Variants in PLXDC2 observed in about 807,000 individuals in gnomAD.
PLXDC2 encodes plexin domain-containing protein 2.
A neutral mutation model predicts 68.9 loss-of-function variants in PLXDC2; 40 were observed. That is an observed-to-expected ratio of 0.58 (90% confidence interval 0.45 to 0.76). The LOEUF is 0.76. PLXDC2 is among the 30% of genes least tolerant of loss of function. The pLI is 0.00. For missense variants in PLXDC2, 644 were observed against 661.9 expected (o/e 0.97, Z 0.30); for synonymous variants, 243 against 234.2 (o/e 1.04, Z -0.34).
At chr10:19,822,055 C>A (rs1185710877) in intron 1 of PLXDC2, among the ~76,000 whole-genome samples, 3 of 151,886 alleles carry the variant, frequency 2.0e-5, no homozygotes, top group African/African-American at 7.2e-5. Context: ...TTACTTAGCA[C>A]AATGTCCCCC....
intron 3 of PLXDC2, among the ~76,000 whole-genome samples, chr10:20,051,762 CA>C (rs1459638000): frequency 6.6e-6 from 1 of 151,738 alleles, no homozygotes; most frequent in East Asian, 1.9e-4. Context: ...TGACAAATTC[CA>C]AGGTGATGCT....
chr10:20,039,469 A>C (rs557033944), intron 2 of PLXDC2, among the ~76,000 whole-genome samples: 2 of 152,310 alleles, frequency 1.3e-5, no homozygotes, highest in South Asian at 4.1e-4. Flanking sequence ...GCTGTTTCGC[A>C]GAGCAATTTT....
rs77219789 is a variant in PLXDC2, at chr10:19,844,105, A to G, written c.112+26914A>G. 9.6e-3 allele frequency among the ~76,000 whole-genome samples: 1,461 copies of G among 152,298 alleles called. 32 individuals carry two copies. Among genetic ancestry groups the G allele is most frequent in the African/African-American group, 0.033 (1,378 of 41,564 alleles). The stretch of plus-strand genomic sequence containing the variant: ...GGAAAAAAATTAAAGAACAGATAAG[A>G]CAGACACACAGGAAAATTGTATCTG... On this transcript the variant is annotated intron_variant, in intron 1 of 13. Coordinates refer to ENST00000377252, the MANE Select transcript of PLXDC2 (RefSeq NM_032812.9).
At chr10:19,865,311 A>AC in intron 1 of PLXDC2, among the ~76,000 whole-genome samples, 1 of 152,304 alleles carries the variant, frequency 6.6e-6, no homozygotes, top group South Asian at 2.1e-4. Context: ...TTTTGCTTTC[A>AC]TATTGAGCTT....
chr10:20,252,151 G>A (rs940599953), intron 13 of PLXDC2, among the ~76,000 whole-genome samples: 1 of 152,088 alleles, frequency 6.6e-6, no homozygotes, highest in Non-Finnish European at 1.5e-5. Context: ...TGTAAATAGT[G>A]GTTATAATTC....
intron 1 of PLXDC2, among the ~76,000 whole-genome samples, chr10:19,915,064 A>G (rs1472717160): frequency 6.6e-6 from 1 of 151,996 alleles, no homozygotes; most frequent in African/African-American, 2.4e-5. Context: ...TTTTAAATTT[A>G]CTCTACCAAT....
At chr10:20,173,421 G>A (rs952360388) in intron 7 of PLXDC2, among the ~76,000 whole-genome samples, 13 of 152,146 alleles carry the variant, frequency 8.5e-5, no homozygotes, top group Non-Finnish European at 1.6e-4. Context: ...GGCTAATCAT[G>A]CCTCAAGGTA....
chr10:19,901,111 A>G (rs1838152461), intron 1 of PLXDC2, among the ~76,000 whole-genome samples: 1 of 151,796 alleles, frequency 6.6e-6, no homozygotes, highest in South Asian at 2.1e-4. Context: ...TATTTTTGCA[A>G]TTGCAAATTG....
intron 3 of PLXDC2, among the ~76,000 whole-genome samples, chr10:20,065,770 A>C (rs1836198398): frequency 6.6e-6 from 1 of 152,188 alleles, no homozygotes; most frequent in Non-Finnish European, 1.5e-5. Context: ...CGCTCCTATG[A>C]GAATCTAATG....
At chr10:20,157,595 G>C (rs1267888619) in intron 6 of PLXDC2, among the ~76,000 whole-genome samples, 1 of 152,182 alleles carries the variant, frequency 6.6e-6, no homozygotes, top group Non-Finnish European at 1.5e-5. Context: ...GCTGGAGAAA[G>C]ATACCACAGA....
chr10:19,944,292 CCTCCAACTT>C (rs2131400557), intron 1 of PLXDC2, among the ~76,000 whole-genome samples: 1 of 151,402 alleles, frequency 6.6e-6, no homozygotes, highest in East Asian at 1.9e-4. Flanking sequence ...CTTTTTTTTC[CCTCCAACTT>C]CTGACATGAA....
chr10:20,068,864 A>G (rs878869739), intron 4 of PLXDC2, among the ~76,000 whole-genome samples: 2 of 152,114 alleles, frequency 1.3e-5, no homozygotes, highest in Admixed American at 1.3e-4. Flanking sequence ...AGTAATTATC[A>G]TTCTTTATTG....
intron 1 of PLXDC2, among the ~76,000 whole-genome samples, chr10:19,925,781 T>C (rs1833529946): frequency 6.6e-6 from 1 of 152,224 alleles, no homozygotes; most frequent in Non-Finnish European, 1.5e-5. Flanking sequence ...CGGGCTTTTA[T>C]CAGCCTCTGT....
intron 1 of PLXDC2, among the ~76,000 whole-genome samples, chr10:19,962,989 C>CAAAA (rs56922353): frequency 3.4e-5 from 3 of 88,244 alleles, no homozygotes; most frequent in East Asian, 3.5e-4. Context: ...GACTACGTCT[C>CAAAA]AAAAAAAAAA....
intron 13 of PLXDC2, among the ~76,000 whole-genome samples, chr10:20,273,237 T>A (rs1835961806): frequency 6.6e-6 from 1 of 152,194 alleles, no homozygotes; most frequent in African/African-American, 2.4e-5. Flanking sequence ...CTGTTTCCCG[T>A]TTTTTATGGC....
At chr10:19,893,398 TCTGTGGA>T (rs1280969712) in intron 1 of PLXDC2, among the ~76,000 whole-genome samples, 1 of 152,230 alleles carries the variant, frequency 6.6e-6, no homozygotes, top group Non-Finnish European at 1.5e-5. Flanking sequence ...AATAAAGTAG[TCTGTGGA>T]CTGCTTAAAT....
At chr10:20,045,275 G>A (rs1344543331) in intron 2 of PLXDC2, among the ~76,000 whole-genome samples, 2 of 151,992 alleles carry the variant, frequency 1.3e-5, no homozygotes, top group Non-Finnish European at 2.9e-5. Flanking sequence ...GAGTTAAGCA[G>A]CTCTCCTACC....
chr10:20,247,332 T>C (rs370011713), intron 13 of PLXDC2, among the ~76,000 whole-genome samples: 17 of 149,822 alleles, frequency 1.1e-4, no homozygotes, highest in African/African-American at 3.7e-4. Flanking sequence ...AAAAAATGAA[T>C]GGGGCATGGT....
At position 20,090,366 on chromosome 10, in the gene PLXDC2, G is replaced by A. The variant is rs375048860; in HGVS notation, c.541+22127G>A. On this transcript the variant is annotated intron_variant, in intron 4 of 13. Coordinates refer to ENST00000377252, the MANE Select transcript of PLXDC2 (RefSeq NM_032812.9). The stretch of plus-strand genomic sequence containing the variant: ...ATCTGAAATGGTAATAGAGGATTAG[G>A]AAGCCACAAAATCCAAGCAAGAGGT... Among the ~76,000 whole-genome samples the A allele has an allele frequency of 2.0e-5, 3 of 152,198 alleles. No individual in the cohort carries two copies. The South Asian group carries it at 6.2e-4, about 32-fold the overall frequency.
Sources: allele counts gnomAD v4.1 joint callset (sites outside exome capture counted in the v4.1 genomes callset), GRCh38; gene constraint gnomAD v4.1.1; transcripts MANE v1.5; gene names NCBI Gene and HGNC (gene_info 2026-07-23, HGNC 2026-07-21).